The following ROBO2 variants were observed in gnomAD, a reference collection of about 807,000 sequenced individuals.
The protein encoded by ROBO2 is roundabout guidance receptor 2.
In ROBO2, 53 loss-of-function variants were observed where a neutral mutation model predicts 160.8. The ratio of observed to expected loss-of-function variants is 0.33; its 90% CI spans 0.26 to 0.41. The LOEUF (loss-of-function observed/expected upper bound fraction) is 0.41. Among genes scored for constraint, ROBO2 ranks in the 10% least tolerant of loss-of-function variants. ROBO2 has a pLI of 1.00. For synonymous variants in ROBO2, 664 were observed against 611.7 expected (o/e 1.09, Z -1.26); for missense variants, 1,577 against 1,722.4 (o/e 0.92, Z 1.49).
intron 2 of ROBO2, among the ~76,000 whole-genome samples, chr3:76,157,326 T>A (rs1158918193): frequency 6.6e-6 from 1 of 152,132 alleles, no homozygotes; most frequent in Non-Finnish European, 1.5e-5. Flanking sequence ...TGGGGGCACC[T>A]AAGAGATTTG....
chr3:77,570,125 G>T (rs1357571), intron 13 of ROBO2, among the ~76,000 whole-genome samples: 4,326 of 152,020 alleles, frequency 0.028, 214 homozygotes, highest in African/African-American at 0.098. Context: ...CAGCGTAGTA[G>T]TTTTCCTCAT....
chr3:76,957,234 T>G (rs1244005203), intron 2 of ROBO2, among the ~76,000 whole-genome samples: 4 of 152,112 alleles, frequency 2.6e-5, no homozygotes, highest in East Asian at 3.9e-4. Context: ...ATTATATCCA[T>G]TTGCTTCCAA....
intron 2 of ROBO2, among the ~76,000 whole-genome samples, chr3:76,720,848 TTTTG>T (rs1311640142): frequency 6.6e-6 from 1 of 152,206 alleles, no homozygotes; most frequent in Non-Finnish European, 1.5e-5. Context: ...ATCAAGAGCA[TTTTG>T]TTTGTCAACT....
chr3:77,298,439 G>A (rs756691277), intron 2 of ROBO2, among the ~76,000 whole-genome samples: 1 of 152,100 alleles, frequency 6.6e-6, no homozygotes, highest in Non-Finnish European at 1.5e-5. Context: ...GCCAAACTAA[G>A]GAATTCTTGA....
chr3:76,656,032 A>G (rs770451585), intron 2 of ROBO2, among the ~76,000 whole-genome samples: 44 of 152,020 alleles, frequency 2.9e-4, no homozygotes, highest in Non-Finnish European at 5.4e-4. Flanking sequence ...TATAGATTTA[A>G]TTATTAAACG....
At chr3:76,145,248 T>G (rs2071840775) in intron 2 of ROBO2, among the ~76,000 whole-genome samples, 1 of 152,076 alleles carries the variant, frequency 6.6e-6, no homozygotes, top group African/African-American at 2.4e-5. Context: ...AATAGCAATT[T>G]CTAAGCTCTG....
chr3:77,040,926 T>G, intron 1 of ROBO2, 80 bp downstream of exon 1: 1 of 1,527,396 alleles, frequency 6.5e-7, no homozygotes. Flanking sequence ...GAATTTGATG[T>G]GGGTTATAAA....
chr3:77,469,370 T>C (rs1395016656), intron 2 of ROBO2, among the ~76,000 whole-genome samples: 2 of 151,964 alleles, frequency 1.3e-5, no homozygotes, highest in Non-Finnish European at 2.9e-5. Flanking sequence ...AGCCATGTAG[T>C]CCAGGAAGAG....
At chr3:77,290,172 A>C (rs770494473) in intron 2 of ROBO2, among the ~76,000 whole-genome samples, 17,585 of 117,730 alleles carry the variant, frequency 0.15, no homozygotes, top group Non-Finnish European at 0.22. Context: ...TAGATCACCC[A>C]AGACACAAAG....
At chr3:76,692,956 A>T (rs1283624169) in intron 2 of ROBO2, among the ~76,000 whole-genome samples, 1 of 150,554 alleles carries the variant, frequency 6.6e-6, no homozygotes, top group Admixed American at 6.6e-5. Flanking sequence ...GTACATACAC[A>T]TATCCCTATA....
At chr3:76,877,910 G>T (rs1471717581) in intron 2 of ROBO2, among the ~76,000 whole-genome samples, 1 of 152,168 alleles carries the variant, frequency 6.6e-6, no homozygotes, top group African/African-American at 2.4e-5. Flanking sequence ...GGGCAAGGTG[G>T]AGGAGAAGGG....
At chr3:77,229,501 T>TA (rs199931231) in intron 2 of ROBO2, among the ~76,000 whole-genome samples, 4,165 of 150,202 alleles carry the variant, frequency 0.028, 61 homozygotes, top group Middle Eastern at 0.055. Context: ...TACTAAAAAT[T>TA]AAAAAAAAAT....
rs1481334919 is a variant in ROBO2 at position 76,622,197 on chromosome 3, A to T, written c.110-475817A>T. ...CATATCTACTAAAAAAAAGAAAGGA[A>T]GGAAGGAAGGAAGGAAGGAAGGAAG... On this transcript the variant is annotated intron_variant, in intron 2 of 26. Transcript: ENST00000487694. Among the ~76,000 whole-genome samples, 214 of 33,608 alleles carry T rather than the reference A, an allele frequency of 6.4e-3. 34 individuals carry two copies. The highest frequency in any genetic ancestry group is 0.014 in the East Asian group (13 of 912). The allele number at this position is 33,608 out of a possible 152,430, so 22.0% of individuals were successfully genotyped here.
At chr3:76,003,477 T>A (rs182046665) in intron 2 of ROBO2, among the ~76,000 whole-genome samples, 126 of 152,308 alleles carry the variant, frequency 8.3e-4, no homozygotes, top group Middle Eastern at 3.4e-3. Flanking sequence ...TGAGAATATG[T>A]TTTTCCAAAA....
intron 2 of ROBO2, among the ~76,000 whole-genome samples, chr3:77,221,775 CA>C (rs914676382): frequency 3.3e-5 from 5 of 150,910 alleles, no homozygotes; most frequent in Non-Finnish European, 5.9e-5. Context: ...AATAGTTGTC[CA>C]AAAAAATATG....
chr3:76,973,079 C>T (rs1215768391), intron 2 of ROBO2, among the ~76,000 whole-genome samples: 2 of 152,144 alleles, frequency 1.3e-5, no homozygotes, highest in African/African-American at 2.4e-5. Context: ...AGAACCTCGG[C>T]CTGTGGACCC....
At chr3:76,968,034 G>T (rs1193374547) in intron 2 of ROBO2, among the ~76,000 whole-genome samples, 1 of 152,130 alleles carries the variant, frequency 6.6e-6, no homozygotes, top group Admixed American at 6.5e-5. Flanking sequence ...TGTTTTGTTT[G>T]CTTGTTTATA....
chr3:77,216,865 A>G (rs1176195268), intron 2 of ROBO2, among the ~76,000 whole-genome samples: 1 of 152,122 alleles, frequency 6.6e-6, no homozygotes, highest in Non-Finnish European at 1.5e-5. Context: ...TTTATTGCTT[A>G]TATTACTGTA....
chr3:76,697,782 T>C (rs548518188), intron 2 of ROBO2, among the ~76,000 whole-genome samples: 1 of 152,284 alleles, frequency 6.6e-6, no homozygotes, highest in South Asian at 2.1e-4. Context: ...AGTCTGATAT[T>C]TTGAGCCAAA....
Sources: allele counts gnomAD v4.1 joint callset (sites outside exome capture counted in the v4.1 genomes callset), GRCh38; gene constraint gnomAD v4.1.1; transcripts MANE v1.5; gene names NCBI Gene and HGNC (gene_info 2026-07-23, HGNC 2026-07-21).